The following CALN1 variants were observed in gnomAD, a reference collection of about 807,000 sequenced individuals.
CALN1 encodes the protein calcium-binding protein 8.
CALN1 carries 17 observed loss-of-function variants against 30.6 expected under a neutral mutation model. The ratio of observed to expected loss-of-function variants is 0.56; its 90% CI spans 0.38 to 0.83. The LOEUF (loss-of-function observed/expected upper bound fraction) is 0.83, where lower values mean the gene tolerates loss of function less well. CALN1 is among the 40% of genes least tolerant of loss of function. The probability of loss-of-function intolerance (pLI) is 0.00; values close to 1 mark genes in which losing one functional copy is unlikely to be tolerated. For missense variants in CALN1, 291 were observed against 354.9 expected, an observed-to-expected ratio of 0.82 and a Z score of 1.45; for synonymous variants, 156 against 131.4, an observed-to-expected ratio of 1.19 and a Z score of -1.28.
At chr7:71,789,913 T>G (rs929031646) in intron 6 of CALN1, among the ~76,000 whole-genome samples, 1 of 151,690 alleles carries the variant, frequency 6.6e-6, no homozygotes, top group East Asian at 1.9e-4. Flanking sequence ...CTGGGTAACA[T>G]AGAAAGACCC....
intron 3 of CALN1, among the ~76,000 whole-genome samples, chr7:72,203,975 C>CTTTTTT (rs1562730767): frequency 5.9e-5 from 6 of 101,590 alleles, no homozygotes; most frequent in African/African-American, 3.2e-4. Flanking sequence ...TAAGAGGCCT[C>CTTTTTT]TCTCTTTTTT....
intron 4 of CALN1, among the ~76,000 whole-genome samples, chr7:72,073,154 A>G (rs1406799833): frequency 2.6e-5 from 4 of 152,222 alleles, no homozygotes; most frequent in Non-Finnish European, 5.9e-5. Flanking sequence ...TCATAAAAAG[A>G]CAAATATTGC....
chr7:72,365,423 A>C, intron 2 of CALN1, among the ~76,000 whole-genome samples: 1 of 152,306 alleles, frequency 6.6e-6, no homozygotes, highest in South Asian at 2.1e-4. Context: ...AGCAAAGTGC[A>C]TAAAATGAGA....
chr7:72,411,697 G>A (rs1177632411), intron 1 of CALN1, among the ~76,000 whole-genome samples: 1 of 152,174 alleles, frequency 6.6e-6, no homozygotes, highest in Non-Finnish European at 1.5e-5. Flanking sequence ...AAATGACAGA[G>A]AAACTAACTG....
upstream of CALN1, among the ~76,000 whole-genome samples, chr7:72,417,012 G>A (rs1244060539): frequency 6.6e-6 from 1 of 152,228 alleles, no homozygotes; most frequent in Non-Finnish European, 1.5e-5. Context: ...CTCCAGGTCA[G>A]CTGCCAGATG....
At chr7:72,404,667 T>C (rs1806580483) in intron 1 of CALN1, among the ~76,000 whole-genome samples, 1 of 152,190 alleles carries the variant, frequency 6.6e-6, no homozygotes, top group Admixed American at 6.5e-5. Context: ...TCTGCCCTCT[T>C]TCTACTCTCT....
intron 3 of CALN1, among the ~76,000 whole-genome samples, chr7:72,273,557 G>A (rs1010344030): frequency 7.8e-5 from 11 of 140,530 alleles, no homozygotes; most frequent in Non-Finnish European, 1.5e-4. Flanking sequence ...TTCTCACCAA[G>A]GCTCAAGTGC....
chr7:72,198,186 T>C (rs1791165243), intron 3 of CALN1, among the ~76,000 whole-genome samples: 2 of 152,200 alleles, frequency 1.3e-5, no homozygotes, highest in African/African-American at 2.4e-5. Context: ...GAGGAAGAAT[T>C]TGTCTGAGTA....
chr7:72,354,984 A>G (rs1353213294), intron 2 of CALN1, among the ~76,000 whole-genome samples: 1 of 150,516 alleles, frequency 6.6e-6, no homozygotes, highest in African/African-American at 2.5e-5. Context: ...ATCACAGCTC[A>G]CTGCATCCTC....
At chr7:72,296,483 A>G (rs934841578) in intron 2 of CALN1, among the ~76,000 whole-genome samples, 1 of 151,612 alleles carries the variant, frequency 6.6e-6, no homozygotes, top group Admixed American at 6.6e-5. Context: ...CCGTGAATCC[A>G]TCTGGTCCTG....
At chr7:71,886,127 C>A (rs1792887640) in intron 5 of CALN1, among the ~76,000 whole-genome samples, 1 of 152,226 alleles carries the variant, frequency 6.6e-6, no homozygotes, top group Admixed American at 6.5e-5. Flanking sequence ...TAACACAAAT[C>A]CAAAAGACAG....
At chr7:72,491,831 C>G in the CALN1 span, among the ~76,000 whole-genome samples, 1 of 152,222 alleles carries the variant, frequency 6.6e-6, no homozygotes, top group African/African-American at 2.4e-5. Flanking sequence ...AAAGAACACA[C>G]CAACGGTCAT....
rs191423782 is a variant in CALN1, at chr7:71,832,467, G to C, written c.502-21975C>G. Among the ~76,000 whole-genome samples, 144 of 152,294 alleles carry C rather than the reference G, an allele frequency of 9.5e-4. 3 individuals carry two copies. Among genetic ancestry groups the C allele is most frequent in the Non-Finnish European group, 3.4e-4 (23 of 68,032 alleles). The stretch of plus-strand genomic sequence containing the variant: ...TGGATTTACCTTGATTCTGTATGCA[G>C]GGACTGTGACTTTTGTAGATATGGG... On this transcript the variant is annotated intron_variant, in intron 5 of 6. Transcript: ENST00000395275.
In CALN1 at chr7:72,323,670, AAAAAT is replaced by A. The variant is rs1214457251; in HGVS notation, c.120-44865_120-44861del. 9.9e-5 allele frequency among the ~76,000 whole-genome samples: 15 copies of A among 150,788 alleles called. No individual in the cohort carries two copies. The East Asian group carries it at 2.0e-3, about 20-fold the overall frequency. ...GAGCGAGACTCCATCTCAAAAAAAA[AAAAAT>A]AAAAAATAAAGAGAACAAAAAGAGA... is the stretch of plus-strand genomic sequence containing the variant. On this transcript the variant is annotated intron_variant, in intron 2 of 6. Coordinates refer to ENST00000395275, the MANE Select transcript of CALN1 (RefSeq NM_031468.4).
At chr7:72,405,882 GT>G (rs948791827) in intron 1 of CALN1, among the ~76,000 whole-genome samples, 7 of 152,102 alleles carry the variant, frequency 4.6e-5, no homozygotes, top group Admixed American at 2.0e-4. Context: ...CTCTTGTCAG[GT>G]CCCCCCAGGC....
chr7:72,165,563 G>T (rs1050582982), intron 3 of CALN1, among the ~76,000 whole-genome samples: 4 of 151,960 alleles, frequency 2.6e-5, no homozygotes, highest in African/African-American at 9.7e-5. Context: ...ACTCCAGCCT[G>T]GCCAACAGGG....
At chr7:72,363,486 G>T (rs1803686804) in intron 2 of CALN1, among the ~76,000 whole-genome samples, 1 of 151,976 alleles carries the variant, frequency 6.6e-6, no homozygotes, top group South Asian at 2.1e-4. Flanking sequence ...TGATCTGCCT[G>T]CCTTGGCTGC....
chr7:72,168,787 CTTATTA>C lies in CALN1; in HGVS notation c.245-62499_245-62494del, dbSNP rs1554463089. 3.0e-3 allele frequency among the ~76,000 whole-genome samples: 410 copies of C among 135,216 alleles called. 4 individuals carry two copies. The highest frequency in any genetic ancestry group is 7.8e-3 in the Middle Eastern group (2 of 256). 88.7% of individuals were successfully genotyped at this position (135,216 alleles called of 152,430 possible). Reference sequence around the variant, plus strand: ...CTGAGAAACACTTCAAGGATGCCTGCTTATTATTATTATTATTATTTTTTTTTTTTT... The same window carrying C: ...CTGAGAAACACTTCAAGGATGCCTGCTTATTATTATTATTTTTTTTTTTTT... On this transcript the variant is annotated intron_variant, in intron 3 of 6. Coordinates refer to ENST00000395275, the MANE Select transcript of CALN1 (RefSeq NM_031468.4).
At chr7:72,464,639 G>A in the CALN1 span, among the ~76,000 whole-genome samples, 5 of 152,136 alleles carry the variant, frequency 3.3e-5, no homozygotes, top group African/African-American at 7.2e-5. Flanking sequence ...CAAGAGCAAA[G>A]CCCACTGCAG....
Sources: allele counts gnomAD v4.1 joint callset (sites outside exome capture counted in the v4.1 genomes callset), GRCh38; gene constraint gnomAD v4.1.1; transcripts MANE v1.5; gene names NCBI Gene and HGNC (gene_info 2026-07-23, HGNC 2026-07-21).